SLC12A2: variants seen among roughly 807,000 people sequenced by gnomAD.
SLC12A2 encodes Na-K-2Cl cotransporter 1.
A neutral mutation model predicts 136.3 loss-of-function variants in SLC12A2; 67 were observed. That is an observed-to-expected ratio of 0.49 (90% confidence interval 0.40 to 0.60). SLC12A2 has a LOEUF of 0.60. SLC12A2 is among the 20% of genes least tolerant of loss of function. The pLI, the probability that SLC12A2 is intolerant of heterozygous loss-of-function variation, is 0.00. For missense variants in SLC12A2, 1,322 were observed against 1,534.7 expected (o/e 0.86, Z 2.32); for synonymous variants, 619 against 562.9 (o/e 1.10, Z -1.41).
intron 1 of SLC12A2, among the ~76,000 whole-genome samples, chr5:128,086,781 T>G (rs538734410): frequency 1.3e-5 from 2 of 152,304 alleles, no homozygotes; most frequent in African/African-American, 2.4e-5. Flanking sequence ...TATACATCAC[T>G]GTCGAAAGAG....
intron 7 of SLC12A2, among the ~76,000 whole-genome samples, chr5:128,137,466 C>G (rs532192687): frequency 2.0e-5 from 3 of 152,326 alleles, no homozygotes; most frequent in African/African-American, 7.2e-5. Flanking sequence ...TAGATTCTCT[C>G]TCTCTCTCAT....
At chr5:128,148,138 TATAC>T (rs1409481283) in intron 11 of SLC12A2, among the ~76,000 whole-genome samples, 1 of 151,750 alleles carries the variant, frequency 6.6e-6, no homozygotes, top group East Asian at 1.9e-4. Flanking sequence ...CCTAACGTGA[TATAC>T]ACATTGTGTT....
At chr5:128,125,909 A>C (rs1313637663) in intron 4 of SLC12A2, among the ~76,000 whole-genome samples, 1 of 152,020 alleles carries the variant, frequency 6.6e-6, no homozygotes, top group Non-Finnish European at 1.5e-5. Flanking sequence ...TTGTTTTGGC[A>C]CCATTTTTTG....
At chr5:128,153,825 T>C (rs1762787129) in intron 15 of SLC12A2, among the ~76,000 whole-genome samples, 1 of 152,052 alleles carries the variant, frequency 6.6e-6, no homozygotes, top group Non-Finnish European at 1.5e-5. Context: ...ATTCCCCCCT[T>C]CCTTTTTGCT....
At chr5:128,145,937 TGCTG>T (rs1762517337) in intron 10 of SLC12A2, among the ~76,000 whole-genome samples, 1 of 152,046 alleles carries the variant, frequency 6.6e-6, no homozygotes, top group Non-Finnish European at 1.5e-5. Context: ...CACCATTCAC[TGCTG>T]GGAGATTTAT....
rs965720605 is a variant in SLC12A2 at position 128,181,939 on chromosome 5, A to AC, written c.3213-909dup. On this transcript the variant is annotated intron_variant, in intron 23 of 26. Coordinates refer to ENST00000262461, the MANE Select transcript of SLC12A2 (RefSeq NM_001046.3). ...TGCCTTTCCTATTTTCCCCCCACTT[A>AC]CCCCCCCATCTAGTTGTTATGTTTC... is the stretch of plus-strand genomic sequence containing the variant. Among the ~76,000 whole-genome samples, 10 of 109,746 alleles carry AC rather than the reference A, an allele frequency of 9.1e-5. No homozygotes were observed. In the East Asian group the frequency reaches 9.4e-4, roughly 10 times the overall value. The allele number at this position is 109,746 out of a possible 152,430, so 72.0% of individuals were successfully genotyped here.
intron 20 of SLC12A2, among the ~76,000 whole-genome samples, chr5:128,175,233 A>C (rs1339752532): frequency 6.6e-6 from 1 of 152,058 alleles, no homozygotes; most frequent in Non-Finnish European, 1.5e-5. Context: ...TCTTTTTCTG[A>C]AATTGTAACC....
At position 128,171,624 on chromosome 5, in the gene SLC12A2, A is replaced by ATTT. The variant is rs3214907; in HGVS notation, c.2724-35_2724-33dup. 2,933 of 1,204,988 alleles carry ATTT rather than the reference A, an allele frequency of 2.4e-3. 58 individuals carry two copies. The African/African-American group carries it at 0.043, about 18-fold the overall frequency. The allele number at this position is 1,204,988 out of a possible 1,614,324, so 74.6% of individuals were successfully genotyped here. Reference sequence around the variant, plus strand: ...AAAGAGGATAACACAAATTTTTGTGATTTTTTTTTTGGTTTTTTCATTTTT... The same window carrying ATTT: ...AAAGAGGATAACACAAATTTTTGTGATTTTTTTTTTTTTGGTTTTTTCATTTTT... On this transcript the variant is annotated intron_variant, in intron 18 of 26. Coordinates refer to ENST00000262461, the MANE Select transcript of SLC12A2 (RefSeq NM_001046.3).
chr5:128,179,566 C>G (rs775029187), intron 22 of SLC12A2, among the ~76,000 whole-genome samples: 3 of 152,146 alleles, frequency 2.0e-5, no homozygotes, highest in Non-Finnish European at 4.4e-5. Flanking sequence ...CTAGAGAAGC[C>G]TCAGGGAGCT....
chr5:128,114,446 G>T, intron 3 of SLC12A2, 140 bp from the exon 4 acceptor site: 2 of 817,790 alleles, frequency 2.4e-6, no homozygotes, highest in Non-Finnish European at 2.0e-6. Context: ...ATTCTGATTT[G>T]GTTTTTATAA....
rs1052421680 is a variant in SLC12A2 at position 128,148,911 on chromosome 5, T to C, written c.2005+34T>C. The C allele has an allele frequency of 4.6e-6, 7 of 1,536,222 alleles. 1 individual carries two copies. In the South Asian group the frequency reaches 5.0e-5, roughly 11 times the overall value. On this transcript the variant is annotated intron_variant, in intron 12 of 26. Coordinates refer to ENST00000262461, the MANE Select transcript of SLC12A2 (RefSeq NM_001046.3). ...TATAAATGGTGTGTTATTGTAGATT[T>C]TTGGTGCATATTAGTTCTAGACGTT...
chr5:128,109,582 A>T (rs560372684), intron 1 of SLC12A2: 140 of 721,000 alleles, frequency 1.9e-4, no homozygotes, highest in Non-Finnish European at 3.2e-4. Context: ...AGAGCAAAAT[A>T]TGGGGACCCA....
chr5:128,117,141 G>A (rs1029476481), intron 4 of SLC12A2, among the ~76,000 whole-genome samples: 4 of 152,092 alleles, frequency 2.6e-5, no homozygotes, highest in African/African-American at 9.7e-5. Context: ...AGAACCAACG[G>A]ACTTTAGAGA....
rs756076420 is a variant in SLC12A2, at chr5:128,084,547, A to G, written c.593A>G (p.His198Arg). The change falls in exon 1 of 27, where the codon CAC becomes CGC. Residue 198 changes from histidine to arginine, a missense_variant. Around this residue, in one of 8 missense-constraint regions of SLC12A2, gnomAD observed 358 missense variants for 299.7 expected, o/e 1.19. Coordinates refer to ENST00000262461, the MANE Select transcript of SLC12A2 (RefSeq NM_001046.3). The surrounding 1 kb of genome is among the most constrained non-coding windows in gnomAD (Gnocchi z 5.6). ...GGCGGCGGCAGTGGGCACCACCAGCACTACTATTATGATACCCACACCAAC... is the reference window on the plus strand; with the variant it reads ...GGCGGCGGCAGTGGGCACCACCAGCGCTACTATTATGATACCCACACCAAC... ...GGGGGSGHHQ[H>R]YYYDTHTNTY... 5.0e-6 allele frequency: 8 copies of G among 1,613,576 alleles called. No homozygotes were observed. In the Admixed American group the frequency reaches 5.0e-5, roughly 10 times the overall value.
intron 22 of SLC12A2, among the ~76,000 whole-genome samples, chr5:128,180,604 T>TA (rs1225891457): frequency 6.6e-6 from 1 of 152,172 alleles, no homozygotes; most frequent in Non-Finnish European, 1.5e-5. Flanking sequence ...CTAAGGTCAA[T>TA]AATTATACTT....
intron 18 of SLC12A2, chr5:128,170,978 C>T (rs564296498): frequency 6.6e-6 from 1 of 152,468 alleles, no homozygotes; most frequent in South Asian, 2.1e-4. Flanking sequence ...TGTCTGTACT[C>T]CCAGCTACTC....
At chr5:128,156,454 C>T (rs1389815427) in intron 15 of SLC12A2, among the ~76,000 whole-genome samples, 2 of 152,142 alleles carry the variant, frequency 1.3e-5, no homozygotes, top group Admixed American at 6.6e-5. Context: ...AAAGTCATCC[C>T]TAATAAACTT....
intron 1 of SLC12A2, among the ~76,000 whole-genome samples, chr5:128,085,622 C>T (rs953999615): frequency 2.0e-5 from 3 of 152,196 alleles, no homozygotes; most frequent in Non-Finnish European, 4.4e-5. Flanking sequence ...GCCGGGATTA[C>T]TTGAAGTCTT....
At position 128,188,617 on chromosome 5, in the gene SLC12A2, T is replaced by C. The variant is rs1763941646; in HGVS notation, c.*1986T>C. On this transcript the variant is annotated 3_prime_UTR_variant, in exon 27 of 27. Transcript: ENST00000262461. ...TGGTTTTCATGAATCTTGATAGACA[T>C]CTATAACGTTATTATTTTCAGTGGT... The C allele has an allele frequency of 6.6e-6, 1 of 151,742 alleles. No individual in the cohort carries two copies. Among genetic ancestry groups the C allele is most frequent in the African/African-American group, 2.4e-5 (1 of 41,300 alleles). 9.4% of individuals were successfully genotyped at this position (151,742 alleles called of 1,614,324 possible). A position where few individuals can be genotyped will look rare whatever the true frequency, so the allele number is the denominator to read the frequency against.
Sources: allele counts gnomAD v4.1 joint callset (sites outside exome capture counted in the v4.1 genomes callset), GRCh38; gene constraint gnomAD v4.1.1; regional missense constraint gnomAD v4.1.1; non-coding constraint Gnocchi (gnomAD v3.1); transcripts MANE v1.5; gene names NCBI Gene and HGNC (gene_info 2026-07-23, HGNC 2026-07-21).